The following HEPH variants were observed in gnomAD, a reference collection of about 807,000 sequenced individuals.
HEPH encodes the protein hephaestin.
A neutral mutation model predicts 80.8 loss-of-function variants in HEPH; 69 were observed. The ratio of observed to expected loss-of-function variants is 0.85; its 90% CI spans 0.70 to 1.04. The LOEUF (loss-of-function observed/expected upper bound fraction) is 1.04. Among genes scored for constraint, HEPH ranks in the 50% least tolerant of loss-of-function variants. The pLI, the probability that HEPH is intolerant of heterozygous loss-of-function variation, is 0.00. For synonymous variants in HEPH, 431 were observed against 322.8 expected, an observed-to-expected ratio of 1.34 and a Z score of -3.60; for missense variants, 1,115 against 891.3, an observed-to-expected ratio of 1.25 and a Z score of -3.20.
chrX:66,179,021 A>T (rs2086960166), intron 4 of HEPH, among the ~76,000 whole-genome samples: 1 of 111,711 alleles, frequency 9.0e-6, no homozygotes, highest in Admixed American at 9.6e-5. Context: ...GTCCTTGCCC[A>T]TGCCTATGTC....
At chrX:66,225,508 C>A (rs1201092599) in intron 15 of HEPH, among the ~76,000 whole-genome samples, 1 of 112,772 alleles carries the variant, frequency 8.9e-6, no homozygotes, top group Non-Finnish European at 1.9e-5. Context: ...GGTACAGGCA[C>A]ACCATGGGTG....
Position 66,208,134 on chromosome X carries a change from A to G in HEPH, c.2451A>G (p.Glu817=). The G allele has an allele frequency of 8.4e-7, 1 of 1,195,731 alleles. No homozygotes were observed. Among genetic ancestry groups the G allele is most frequent in the Non-Finnish European group, 1.1e-6 (1 of 883,737 alleles). Residue 817 remains glutamate (E), a synonymous_variant, in exon 15 of 21, where the codon GAA becomes GAG. Transcript: ENST00000343002. ...LGILGPLIKG[E]VGDILTVVFK... The stretch of plus-strand genomic sequence containing the variant: ...CATTAGGTCCACTTATCAAAGGTGA[A>G]GTTGGTGATATCCTGACTGTGGTAT...
In HEPH at chrX:66,200,530, TG is replaced by T; in HGVS notation, c.1865-9del. The T allele has an allele frequency of 8.5e-7, 1 of 1,182,242 alleles. No homozygotes were observed. The highest frequency in any genetic ancestry group is 1.9e-5 in the South Asian group (1 of 53,748). ...ATCTCCCCACCTTGTCTTGTGTTTT[TG>T]TTTTCCAGCCATTAATGGGTTTCTG... On this transcript the variant is annotated splice_polypyrimidine_tract_variant and intron_variant, in intron 11 of 20. Transcript: ENST00000343002.
At chrX:66,266,373 C>A (rs1292660273) in intron 20 of HEPH, 67 bp from the exon 21 acceptor site, 6 of 847,546 alleles carry the variant, frequency 7.1e-6, no homozygotes, top group Non-Finnish European at 1.0e-5. Context: ...CAGGTGATGA[C>A]TATAGATAGT....
At chrX:66,250,120 T>A (rs367640983) in intron 15 of HEPH, among the ~76,000 whole-genome samples, 36 of 111,403 alleles carry the variant, frequency 3.2e-4, no homozygotes, top group East Asian at 1.4e-3. Context: ...TAATTCTACA[T>A]GGTTTTTTTG....
intron 13 of HEPH, among the ~76,000 whole-genome samples, chrX:66,206,942 G>A (rs762917877): frequency 6.4e-5 from 7 of 109,871 alleles, no homozygotes; most frequent in East Asian, 5.8e-4. Flanking sequence ...GCTTGAACTC[G>A]GAAGGCGGAG....
At chrX:66,174,493 TATA>T (rs1456962434) in intron 4 of HEPH, among the ~76,000 whole-genome samples, 1 of 112,033 alleles carries the variant, frequency 8.9e-6, no homozygotes, top group Non-Finnish European at 1.9e-5. Context: ...ATCTTTTTTG[TATA>T]ATGACTTCTT....
chrX:66,170,863 A>G (rs1371910494), intron 2 of HEPH, 126 bp downstream of exon 2: 1 of 537,953 alleles, frequency 1.9e-6, no homozygotes, highest in Non-Finnish European at 3.0e-6. Flanking sequence ...TCCGAGCTGT[A>G]CATACTCAGT....
At chrX:66,221,731 A>T (rs1362177249) in intron 15 of HEPH, among the ~76,000 whole-genome samples, 1 of 112,771 alleles carries the variant, frequency 8.9e-6, no homozygotes, top group Non-Finnish European at 1.9e-5. Flanking sequence ...TTTTTCTTTT[A>T]ACTCGTGAAA....
chrX:66,212,103 G>A (rs2089160596), intron 15 of HEPH, among the ~76,000 whole-genome samples: 2 of 109,048 alleles, frequency 1.8e-5, no homozygotes, highest in African/African-American at 6.6e-5. Flanking sequence ...GTAATGTTGA[G>A]CATTTTTTCA....
chrX:66,205,135 C>A (rs1290787211), intron 13 of HEPH, among the ~76,000 whole-genome samples: 1 of 111,203 alleles, frequency 9.0e-6, no homozygotes, highest in Non-Finnish European at 1.9e-5. Context: ...TTAATTTCAA[C>A]TTTTATTTTA....
chrX:66,170,741 G>A lies in HEPH; in HGVS notation c.167+4G>A. 2 of 1,204,136 alleles carry A rather than the reference G, an allele frequency of 1.7e-6. No individual in the cohort carries two copies. The highest frequency in any genetic ancestry group is 1.8e-5 in the South Asian group (1 of 55,991). ...ACCAGCCTCTGGACAGTGACATGTAGGTTTAATTTCTTGTGGTATTTGAGG... is the reference window on the plus strand; with the variant it reads ...ACCAGCCTCTGGACAGTGACATGTAAGTTTAATTTCTTGTGGTATTTGAGG... On this transcript the variant is annotated splice_donor_region_variant and intron_variant, in intron 2 of 20. Coordinates refer to ENST00000343002, the MANE Select transcript of HEPH (RefSeq NM_001367233.3).
At chrX:66,232,955 G>A (rs1038278566) in intron 15 of HEPH, among the ~76,000 whole-genome samples, 1 of 110,343 alleles carries the variant, frequency 9.1e-6, no homozygotes, top group Non-Finnish European at 1.9e-5. Context: ...GGTATGAGCT[G>A]TATTTTATAA....
intron 9 of HEPH, among the ~76,000 whole-genome samples, chrX:66,197,233 G>A (rs1202087010): frequency 9.1e-6 from 1 of 109,370 alleles, no homozygotes; most frequent in Non-Finnish European, 1.9e-5. Flanking sequence ...ACACCCACAT[G>A]TACATAATAC....
rs914626034 is a variant in HEPH at position 66,244,504 on chromosome X, A to G, written c.2564-10531A>G. 3.6e-5 allele frequency among the ~76,000 whole-genome samples: 4 copies of G among 111,993 alleles called. No homozygotes were observed. The Admixed American group carries it at 3.8e-4, about 11-fold the overall frequency. On this transcript the variant is annotated intron_variant, in intron 15 of 20. Coordinates refer to ENST00000343002, the MANE Select transcript of HEPH (RefSeq NM_001367233.3). ...TTGAGGTGAATTATTCAGCTCTATCAGATTAGCTTGGTTCTTTCTTAAAAT... is the reference window on the plus strand; with the variant it reads ...TTGAGGTGAATTATTCAGCTCTATCGGATTAGCTTGGTTCTTTCTTAAAAT...
At chrX:66,193,444 A>G in intron 7 of HEPH, 58 bp from the exon 8 acceptor site, 2 of 809,522 alleles carry the variant, frequency 2.5e-6, no homozygotes, top group Non-Finnish European at 3.5e-6. Flanking sequence ...TAAGGGTGAG[A>G]TGGGAGTCTA....
chrX:66,225,021 G>T (rs914221420), intron 15 of HEPH, among the ~76,000 whole-genome samples: 1 of 109,662 alleles, frequency 9.1e-6, no homozygotes, highest in African/African-American at 3.3e-5. Flanking sequence ...GGTGGTGGAG[G>T]GGTCTAAAAC....
chrX:66,230,331 T>G (rs5965115), intron 15 of HEPH, among the ~76,000 whole-genome samples: 1,681 of 94,149 alleles, frequency 0.018, 54 homozygotes, highest in African/African-American at 0.082. Context: ...TCTAGTTCTA[T>G]ATCCCTGAGG....
chrX:66,226,387 A>G (rs765408817), intron 15 of HEPH, among the ~76,000 whole-genome samples: 3 of 112,184 alleles, frequency 2.7e-5, no homozygotes, highest in African/African-American at 3.2e-5. Context: ...TGCCTCAAGG[A>G]ACTGGAGAAA....
Sources: allele counts gnomAD v4.1 joint callset (sites outside exome capture counted in the v4.1 genomes callset), GRCh38; gene constraint gnomAD v4.1.1; transcripts MANE v1.5; gene names NCBI Gene and HGNC (gene_info 2026-07-23, HGNC 2026-07-21).